Variants in BCL7A observed in about 807,000 individuals in gnomAD.
BCL7A encodes B-cell CLL/lymphoma 7 protein family member A.
In BCL7A, 11 loss-of-function variants were observed where a neutral mutation model predicts 28.4. That is an observed-to-expected ratio of 0.39 (90% CI 0.24 to 0.64). The LOEUF is 0.64. Ranked by LOEUF, BCL7A falls within the 30% of genes least tolerant of loss-of-function variation. BCL7A has a pLI of 0.50. For missense variants in BCL7A, 222 were observed against 274.8 expected, an observed-to-expected ratio of 0.81 and a Z score of 1.36; for synonymous variants, 123 against 103.3, an observed-to-expected ratio of 1.19 and a Z score of -1.15.
In BCL7A at chr12:122,059,077, T is replaced by C. The variant is rs761883990; in HGVS notation, c.562-15T>C. 32 of 1,595,266 alleles carry C rather than the reference T, an allele frequency of 2.0e-5. No individual in the cohort carries two copies. The highest frequency in any genetic ancestry group is 2.7e-5 in the Non-Finnish European group (31 of 1,162,870). On this transcript the variant is annotated splice_polypyrimidine_tract_variant and intron_variant, in intron 5 of 5. Coordinates refer to ENST00000261822, the MANE Select transcript of BCL7A (RefSeq NM_001024808.3). The surrounding 1 kb of genome is among the most constrained non-coding windows in gnomAD (Gnocchi z 4.0). ...GGCCCATTAACCTGTGTTCCCCTTT[T>C]CTCCTCTCCCCAAGGATTTGGAAGG...
At chr12:122,023,784 AGCCCCC>A in intron 1 of BCL7A, among the ~76,000 whole-genome samples, 1 of 152,316 alleles carries the variant, frequency 6.6e-6, no homozygotes, top group Non-Finnish European at 1.5e-5. Flanking sequence ...AACAACCCGC[AGCCCCC>A]TCTACTGTGG....
At chr12:122,046,566 C>T (rs1379045198) in intron 4 of BCL7A, among the ~76,000 whole-genome samples, 1 of 152,170 alleles carries the variant, frequency 6.6e-6, no homozygotes, top group African/African-American at 2.4e-5. Context: ...GACACTGGAA[C>T]GAAGGACTCA....
intron 4 of BCL7A, among the ~76,000 whole-genome samples, chr12:122,051,316 C>T (rs946414356): frequency 2.6e-5 from 4 of 152,136 alleles, no homozygotes; most frequent in Non-Finnish European, 5.9e-5. Flanking sequence ...AGGACAGACC[C>T]GTGTGGCCTT....
chr12:122,046,204 A>G (rs756890758), intron 4 of BCL7A, among the ~76,000 whole-genome samples: 1 of 152,084 alleles, frequency 6.6e-6, no homozygotes, highest in Non-Finnish European at 1.5e-5. Context: ...TGGGCAGTAC[A>G]TAGGGGTGAG....
intron 1 of BCL7A, among the ~76,000 whole-genome samples, chr12:122,023,076 A>T (rs1883509289): frequency 6.6e-6 from 1 of 152,128 alleles, no homozygotes; most frequent in East Asian, 1.9e-4. Context: ...TCGGGATCAC[A>T]TTAGCGTCCG....
At position 122,035,321 on chromosome 12, in the gene BCL7A, TC is replaced by T. The variant is rs1460175405; in HGVS notation, c.175-6del. 1 of 1,612,382 alleles carries T rather than the reference TC, an allele frequency of 6.2e-7. No homozygotes were observed. Among genetic ancestry groups the T allele is most frequent in the Admixed American group, 1.7e-5 (1 of 59,994 alleles). ...TGGTGACTTGGTTTCTGCTCCATTT[TC>T]CCCTGCAGAAAAACAAGAATAAGAA... On this transcript the variant is annotated splice_polypyrimidine_tract_variant and intron_variant, in intron 2 of 5. Transcript: ENST00000261822.
At chr12:122,046,488 C>G (rs998584722) in intron 4 of BCL7A, among the ~76,000 whole-genome samples, 1 of 152,152 alleles carries the variant, frequency 6.6e-6, no homozygotes, top group African/African-American at 2.4e-5. Context: ...GGGCTGGCGC[C>G]AGGGCCCCAG....
rs764719337 is a variant in BCL7A, at chr12:122,043,926, C to G, written c.312C>G (p.Pro104=). The change falls in exon 4 of 6, where the codon CCC becomes CCG. Residue 104 remains proline (P), a synonymous_variant. Coordinates refer to ENST00000261822, the MANE Select transcript of BCL7A (RefSeq NM_001024808.3). ...AGAGCTCCATCGCAGATGCCTCCCC[C>G]ATCAAACAGGAGAACAGCAGCAACT... ...SNQSSIADAS[P]IKQENSSNSS... is the part of the protein sequence containing the mutation. 1.2e-6 allele frequency: 2 copies of G among 1,613,970 alleles called. No homozygotes were observed. Among genetic ancestry groups the G allele is most frequent in the East Asian group, 2.2e-5 (1 of 44,878 alleles).
rs959511538 is a variant in BCL7A at position 122,059,220 on chromosome 12, C to G, written c.*57C>G. On this transcript the variant is annotated 3_prime_UTR_variant, in exon 6 of 6. Transcript: ENST00000261822. The surrounding 1 kb of genome is among the most constrained non-coding windows in gnomAD (Gnocchi z 4.0). Reference sequence around the variant, plus strand: ...ATGGAAGGTACATCAGCAATTAATTCTAGAGCAACTTTGCCCCAGCGATTC... The same window carrying G: ...ATGGAAGGTACATCAGCAATTAATTGTAGAGCAACTTTGCCCCAGCGATTC... The G allele has an allele frequency of 3.2e-5, 48 of 1,512,954 alleles. No individual in the cohort carries two copies. Among genetic ancestry groups the G allele is most frequent in the Non-Finnish European group, 4.4e-5 (48 of 1,090,342 alleles). 93.7% of individuals were successfully genotyped at this position (1,512,954 alleles called of 1,614,324 possible).
chr12:122,032,693 A>T (rs1883769363), intron 2 of BCL7A, among the ~76,000 whole-genome samples: 1 of 152,182 alleles, frequency 6.6e-6, no homozygotes, highest in Non-Finnish European at 1.5e-5. Context: ...CTTTTGTGTA[A>T]TGGAGCAGTA....
intron 1 of BCL7A, 72 bp downstream of exon 1, chr12:122,022,255 G>A: frequency 1.1e-6 from 1 of 934,384 alleles, no homozygotes; most frequent in East Asian, 8.5e-5. Context: ...AGAGAGCCGC[G>A]GGGCGCAGCG....
At chr12:122,035,558 G>A (rs1943861973) in intron 3 of BCL7A, 131 bp downstream of exon 3, 20 of 749,786 alleles carry the variant, frequency 2.7e-5, no homozygotes, top group South Asian at 2.5e-4. Context: ...GGCAGGGCCC[G>A]GCGGCCTCTG....
At chr12:122,048,745 C>A (rs973632621) in intron 4 of BCL7A, among the ~76,000 whole-genome samples, 1 of 151,002 alleles carries the variant, frequency 6.6e-6, no homozygotes, top group Non-Finnish European at 1.5e-5. Context: ...TTAGGCCGGG[C>A]ACAGTGGGTC....
intron 4 of BCL7A, among the ~76,000 whole-genome samples, chr12:122,045,973 C>T (rs566021629): frequency 1.4e-5 from 2 of 141,706 alleles, no homozygotes; most frequent in East Asian, 4.3e-4. Flanking sequence ...CCTGTAGTCC[C>T]AGGAGGATCG....
intron 4 of BCL7A, among the ~76,000 whole-genome samples, chr12:122,049,727 C>T (rs1040471833): frequency 6.6e-6 from 1 of 151,984 alleles, no homozygotes; most frequent in Non-Finnish European, 1.5e-5. Flanking sequence ...CTTAGGTGTT[C>T]CCGTCTTTTG....
intron 1 of BCL7A, among the ~76,000 whole-genome samples, chr12:122,022,682 C>T (rs1883493636): frequency 1.4e-5 from 2 of 147,396 alleles, no homozygotes; most frequent in Admixed American, 6.7e-5. Context: ...CGCCCCGCCG[C>T]CCTCCGCCAG....
chr12:122,023,969 A>G (rs546520268), intron 1 of BCL7A, among the ~76,000 whole-genome samples: 1 of 152,234 alleles, frequency 6.6e-6, no homozygotes, highest in Admixed American at 6.5e-5. Context: ...CTCCTACTCC[A>G]GGTTCCCGGC....
intron 4 of BCL7A, among the ~76,000 whole-genome samples, chr12:122,046,286 A>G (rs1223859986): frequency 2.6e-5 from 4 of 151,680 alleles, no homozygotes; most frequent in African/African-American, 9.7e-5. Context: ...AGGGCAGGCC[A>G]GGTCTGGAGC....
Position 122,061,783 on chromosome 12 carries a change from T to A in BCL7A, c.*2620T>A, listed in dbSNP as rs746978875. 3.7e-4 allele frequency: 85 copies of A among 229,730 alleles called. No individual in the cohort carries two copies. The highest frequency in any genetic ancestry group is 5.5e-4 in the Non-Finnish European group (64 of 115,564). 14.2% of individuals were successfully genotyped at this position (229,730 alleles called of 1,614,324 possible). The stretch of plus-strand genomic sequence containing the variant: ...CACTTACACCCACAACCCGGAAGGC[T>A]GTGGACCGATTCCTCTAGGGTGGTG... On this transcript the variant is annotated 3_prime_UTR_variant, in exon 6 of 6. Transcript: ENST00000261822.
Sources: gnomAD v4.1 joint callset for allele counts (sites outside exome capture counted in the v4.1 genomes callset) on GRCh38, gnomAD v4.1.1 for gene constraint, Gnocchi (gnomAD v3.1) non-coding constraint, MANE v1.5 for transcripts, NCBI Gene and HGNC (gene_info 2026-07-23, HGNC 2026-07-21) for gene names.